The following PNPLA1 variants were observed in gnomAD, a reference collection of about 807,000 sequenced individuals.
The protein encoded by PNPLA1 is patatin like domain 1, omega-hydroxyceramide transacylase, also known as omega-hydroxyceramide transacylase.
PNPLA1 carries 36 observed loss-of-function variants against 51.7 expected under a neutral mutation model. The observed-to-expected ratio is 0.70, with a 90% CI of 0.53 to 0.92. The LOEUF (loss-of-function observed/expected upper bound fraction) is 0.92, where lower values mean the gene tolerates loss of function less well. PNPLA1 is among the 40% of genes least tolerant of loss of function. PNPLA1 has a pLI of 0.00. For missense variants in PNPLA1, 658 were observed against 682.5 expected, an observed-to-expected ratio of 0.96 and a Z score of 0.40; for synonymous variants, 293 against 280.1, an observed-to-expected ratio of 1.05 and a Z score of -0.46.
chr6:36,305,605 A>G (rs1185441363), intron 6 of PNPLA1, among the ~76,000 whole-genome samples: 1 of 152,132 alleles, frequency 6.6e-6, no homozygotes, highest in Non-Finnish European at 1.5e-5. Flanking sequence ...TGGCCATGAA[A>G]CTATTAATAC....
chr6:36,282,088 A>AGAAAGAAAGAAAGAAGGAAG (rs1554136580), intron 1 of PNPLA1, among the ~76,000 whole-genome samples: 58 of 98,754 alleles, frequency 5.9e-4, no homozygotes, highest in African/African-American at 1.4e-3. Flanking sequence ...AAAGAAAGAA[A>AGAAAGAAAGAAAGAAGGAAG]GAAGGAAGGA....
upstream of PNPLA1, among the ~76,000 whole-genome samples, chr6:36,268,299 A>G (rs574923696): frequency 6.6e-6 from 1 of 152,196 alleles, no homozygotes; most frequent in African/African-American, 2.4e-5. Flanking sequence ...TCCTACAGCC[A>G]TTACCTTTAG....
At chr6:36,283,574 C>A (rs1770385351) in intron 1 of PNPLA1, among the ~76,000 whole-genome samples, 1 of 152,122 alleles carries the variant, frequency 6.6e-6, no homozygotes, top group Non-Finnish European at 1.5e-5. Context: ...GCAGGAGAAT[C>A]ACTTAAGCCC....
At chr6:36,244,073 C>T (rs1053348879) in intron 1 of PNPLA1, among the ~76,000 whole-genome samples, 5 of 152,126 alleles carry the variant, frequency 3.3e-5, no homozygotes, top group Admixed American at 6.5e-5. Context: ...TTCACAAGTC[C>T]GTCTGATTCT....
intron 1 of PNPLA1, among the ~76,000 whole-genome samples, chr6:36,250,967 G>T (rs1362266459): frequency 6.6e-6 from 1 of 152,216 alleles, no homozygotes; most frequent in East Asian, 1.9e-4. Flanking sequence ...CTCCCAAAGT[G>T]CTGGGATTAC....
rs542654055 is a variant in PNPLA1, at chr6:36,294,669, A to G, written c.714+270A>G. On this transcript the variant is annotated intron_variant, in intron 4 of 8. Coordinates refer to ENST00000636260, the MANE Select transcript of PNPLA1 (RefSeq NM_001374623.1). The surrounding 1 kb of genome is among the most constrained non-coding windows in gnomAD (Gnocchi z 4.2). ...ATAGAAATATTAACTGAACCCATCC[A>G]TTCAGACAGTTCATGTCCCAAATCA... is the stretch of plus-strand genomic sequence containing the variant. 1.3e-3 allele frequency among the ~76,000 whole-genome samples: 198 copies of G among 152,340 alleles called. 6 individuals carry two copies. In the South Asian group the frequency reaches 0.038, roughly 30 times the overall value.
chr6:36,292,483 G>T (rs971026443), intron 2 of PNPLA1, among the ~76,000 whole-genome samples: 1 of 151,976 alleles, frequency 6.6e-6, no homozygotes, highest in Non-Finnish European at 1.5e-5. Flanking sequence ...TGCACCTGCC[G>T]CTCCCTCTGC....
At chr6:36,302,774 A>G (rs1027426884) in intron 6 of PNPLA1, among the ~76,000 whole-genome samples, 7 of 151,812 alleles carry the variant, frequency 4.6e-5, no homozygotes, top group African/African-American at 1.7e-4. Context: ...TAAATTACCA[A>G]CTTTGGAGGT....
chr6:36,282,084 AGAAAGAAGGAAGGAAG>A (rs1561859292), intron 1 of PNPLA1, among the ~76,000 whole-genome samples: 3 of 120,170 alleles, frequency 2.5e-5, no homozygotes, highest in African/African-American at 3.7e-5. Flanking sequence ...AAAGAAAGAA[AGAAAGAAGGAAGGAAG>A]GAAGGAAGGA....
chr6:36,304,629 GAAAAAAAA>G (rs539155104), intron 6 of PNPLA1, among the ~76,000 whole-genome samples: 2 of 71,964 alleles, frequency 2.8e-5, no homozygotes, highest in East Asian at 4.9e-4. Flanking sequence ...TCCGTCTCAG[GAAAAAAAA>G]AAAAAAAAAA....
At chr6:36,307,015 T>C (rs967893635) in intron 7 of PNPLA1, among the ~76,000 whole-genome samples, 2 of 152,196 alleles carry the variant, frequency 1.3e-5, no homozygotes, top group Non-Finnish European at 2.9e-5. Context: ...CCGTTTGTAC[T>C]GGTGGTGGGG....
intron 1 of PNPLA1, among the ~76,000 whole-genome samples, chr6:36,280,329 G>C (rs1255109847): frequency 6.6e-6 from 1 of 152,214 alleles, no homozygotes; most frequent in Non-Finnish European, 1.5e-5. Context: ...TGTGGCCCCG[G>C]CAGTGGAAGG....
Position 36,291,403 on chromosome 6 carries a change from G to A in PNPLA1, c.289G>A (p.Val97Met). The A allele has an allele frequency of 1.2e-6, 2 of 1,614,162 alleles. No homozygotes were observed. Among genetic ancestry groups the A allele is most frequent in the East Asian group, 4.5e-5 (2 of 44,868 alleles). ...GCCCTTGTCCCCGTCCTGTAAGATG[G>A]TGCAGATGATGAGGCAGTTTCTGTA... is the stretch of plus-strand genomic sequence containing the variant. ...LGPLSPSCKM[V>M]QMMRQFLYRV... Residue 97 changes from valine to methionine, a missense_variant, in exon 2 of 9, where the codon GTG becomes ATG. Coordinates refer to ENST00000636260, the MANE Select transcript of PNPLA1 (RefSeq NM_001374623.1).
Position 36,302,060 on chromosome 6 carries a change from T to C in PNPLA1, c.975T>C (p.Gly325=), listed in dbSNP as rs750119342. 1.2e-6 allele frequency: 2 copies of C among 1,614,066 alleles called. No individual in the cohort carries two copies. The highest frequency in any genetic ancestry group is 1.7e-6 in the Non-Finnish European group (2 of 1,180,038). ...VPKGDGRGSH[G]PPVSQPVQTL... ...AAGGGGATGGAAGGGGCAGCCATGG[T>C]CCGCCTGTGTCCCAACCTGTGCAGA... The change falls in exon 6 of 9, where the codon GGT becomes GGC. Residue 325 remains glycine (G), a synonymous_variant. Transcript: ENST00000636260.
chr6:36,248,366 CTGT>C (rs1409960738), intron 1 of PNPLA1, among the ~76,000 whole-genome samples: 1 of 152,092 alleles, frequency 6.6e-6, no homozygotes, highest in Non-Finnish European at 1.5e-5. Context: ...GAGGGAGGCT[CTGT>C]TATTATTACT....
chr6:36,268,532 C>T (rs149215663), upstream of PNPLA1, among the ~76,000 whole-genome samples: 22 of 152,236 alleles, frequency 1.4e-4, no homozygotes, highest in Non-Finnish European at 2.8e-4. Flanking sequence ...TGCTGCTCCT[C>T]GACCAGTGCC....
chr6:36,252,756 A>T (rs1359945410), intron 1 of PNPLA1, among the ~76,000 whole-genome samples: 2 of 152,184 alleles, frequency 1.3e-5, no homozygotes, highest in Non-Finnish European at 2.9e-5. Context: ...GATAGAAGAG[A>T]CGGTAATGTC....
At chr6:36,263,180 C>T (rs1393695091) in intron 1 of PNPLA1, among the ~76,000 whole-genome samples, 1 of 152,140 alleles carries the variant, frequency 6.6e-6, no homozygotes, top group African/African-American at 2.4e-5. Flanking sequence ...AAGAATGACA[C>T]AATTTATTAC....
In PNPLA1 at chr6:36,294,311, A is replaced by G; in HGVS notation, c.626A>G (p.His209Arg). The change falls in exon 4 of 9, where the codon CAC (histidine) becomes CGC (arginine). Residue 209 changes from histidine (H) to arginine (R), a missense_variant. By Grantham distance (29) the His-to-Arg change is conservative. Coordinates refer to ENST00000636260, the MANE Select transcript of PNPLA1 (RefSeq NM_001374623.1). This position sits in a 1 kb window ranked among gnomAD's most constrained non-coding sequence, Gnocchi z 4.2. ...CCCCGGGACTGCCCGGCCATCTTCC[A>G]CGACTTCCGCATGTTCAACTGCTCC... ...ICPRDCPAIFHDFRMFNCSFQ... is the reference protein window; with the variant it reads ...ICPRDCPAIFRDFRMFNCSFQ... 6.2e-7 allele frequency: 1 copy of G among 1,614,162 alleles called. No individual in the cohort carries two copies. Among genetic ancestry groups the G allele is most frequent in the South Asian group, 1.1e-5 (1 of 91,084 alleles).
Sources: allele counts gnomAD v4.1 joint callset (sites outside exome capture counted in the v4.1 genomes callset), GRCh38; gene constraint gnomAD v4.1.1; non-coding constraint Gnocchi (gnomAD v3.1); transcripts MANE v1.5; gene names NCBI Gene and HGNC (gene_info 2026-07-23, HGNC 2026-07-21).